Variants in AGAP1 observed in about 807,000 individuals in gnomAD.
AGAP1 encodes the protein ArfGAP with GTPase domain, ankyrin repeat and PH domain 1.
In AGAP1, 29 loss-of-function variants were observed where a neutral mutation model predicts 105.3. The observed-to-expected ratio is 0.28, with a 90% confidence interval of 0.21 to 0.38. The LOEUF is 0.38. Ranked by LOEUF, AGAP1 falls within the 10% of genes least tolerant of loss-of-function variation. The pLI is 1.00. For missense variants in AGAP1, 998 were observed against 1,165.1 expected, an observed-to-expected ratio of 0.86 and a Z score of 2.09; for synonymous variants, 509 against 485.9, an observed-to-expected ratio of 1.05 and a Z score of -0.63.
chr2:235,863,666 A>C (rs2106523804), intron 9 of AGAP1, among the ~76,000 whole-genome samples: 1 of 152,296 alleles, frequency 6.6e-6, no homozygotes, highest in Non-Finnish European at 1.5e-5. Flanking sequence ...CCCGGTGGGG[A>C]GAGCACATGG....
chr2:235,992,882 C>T lies in AGAP1; in HGVS notation c.1645+24259C>T, dbSNP rs1416270909. On this transcript the variant is annotated intron_variant, in intron 13 of 17. Transcript: ENST00000304032. This position sits in a 1 kb window ranked among gnomAD's most constrained non-coding sequence, Gnocchi z 4.8. ...AGTTGAGCTTGTGTTGGCCTCTTTC[C>T]GTCGTGAACCATGGACGTCTCTCCT... Among the ~76,000 whole-genome samples the T allele has an allele frequency of 1.3e-5, 2 of 152,124 alleles. No individual in the cohort carries two copies. Among genetic ancestry groups the T allele is most frequent in the African/African-American group, 2.4e-5 (1 of 41,428 alleles).
At chr2:235,860,718 C>G (rs2048892873) in intron 9 of AGAP1, among the ~76,000 whole-genome samples, 1 of 152,090 alleles carries the variant, frequency 6.6e-6, no homozygotes, top group Non-Finnish European at 1.5e-5. Context: ...GTAAATTAAT[C>G]AAATAATTGC....
chr2:235,979,513 A>G lies in AGAP1; in HGVS notation c.1645+10890A>G, dbSNP rs1453766123. ...GTGTGTTTATTTAGTAATCTTTGCT[A>G]ATACCCTCCTGGCTTTCCACTCCAC... On this transcript the variant is annotated intron_variant, in intron 13 of 17. Transcript: ENST00000304032. This position sits in a 1 kb window ranked among gnomAD's most constrained non-coding sequence, Gnocchi z 4.5. 6.6e-6 allele frequency among the ~76,000 whole-genome samples: 1 copy of G among 152,196 alleles called. No individual in the cohort carries two copies. The highest frequency in any genetic ancestry group is 1.5e-5 in the Non-Finnish European group (1 of 68,038).
rs555737698 is a variant in AGAP1, at chr2:235,750,528, T to C, written c.673+40T>C. The C allele has an allele frequency of 3.1e-6, 5 of 1,611,840 alleles. No individual in the cohort carries two copies. Among genetic ancestry groups the C allele is most frequent in the Non-Finnish European group, 4.2e-6 (5 of 1,178,178 alleles). ...CTGGGAGTTTAATTTCAGTTCATGA[T>C]AGACGGGAGGCACTTCAAGAAGTCA... On this transcript the variant is annotated intron_variant, in intron 6 of 17. Transcript: ENST00000304032. This position sits in a 1 kb window ranked among gnomAD's most constrained non-coding sequence, Gnocchi z 5.3.
At chr2:236,065,824 A>G (rs1249438682) in intron 16 of AGAP1, among the ~76,000 whole-genome samples, 1 of 152,242 alleles carries the variant, frequency 6.6e-6, no homozygotes, top group Non-Finnish European at 1.5e-5. Flanking sequence ...GCTTTCAGCA[A>G]AGCCTTCCAG....
rs1280500585 is a variant in AGAP1 at position 236,001,677 on chromosome 2, G to A, written c.1645+33054G>A. The stretch of plus-strand genomic sequence containing the variant: ...CGGTAGAACGTCACATCCTGGAGGG[G>A]CGGGGATTTCCCCTTTTGTTTTGTT... On this transcript the variant is annotated intron_variant, in intron 13 of 17. Transcript: ENST00000304032. The surrounding 1 kb of genome is among the most constrained non-coding windows in gnomAD (Gnocchi z 4.7). Among the ~76,000 whole-genome samples, 2 of 152,174 alleles carry A rather than the reference G, an allele frequency of 1.3e-5. No homozygotes were observed. Among genetic ancestry groups the A allele is most frequent in the Non-Finnish European group, 2.9e-5 (2 of 68,042 alleles).
chr2:235,704,052 C>T (rs1161432972), intron 1 of AGAP1, among the ~76,000 whole-genome samples: 2 of 152,168 alleles, frequency 1.3e-5, no homozygotes, highest in African/African-American at 2.4e-5. Flanking sequence ...ACCCATGGCT[C>T]CTGGCTCCCT....
At chr2:236,022,838 A>G (rs955403286) in intron 13 of AGAP1, among the ~76,000 whole-genome samples, 3 of 152,142 alleles carry the variant, frequency 2.0e-5, no homozygotes, top group Non-Finnish European at 2.9e-5. Context: ...GCACCCGGTC[A>G]GCAGGCTTTC....
At position 236,056,608 on chromosome 2, in the gene AGAP1, A is replaced by G. The variant is rs970032190; in HGVS notation, c.2114+7327A>G. The stretch of plus-strand genomic sequence containing the variant: ...TGGCCTCTATTTTGATTCCTCCAGC[A>G]GTCAAGCATTTTCCAAAGGGCCCTG... On this transcript the variant is annotated intron_variant, in intron 16 of 17. Transcript: ENST00000304032. This position sits in a 1 kb window ranked among gnomAD's most constrained non-coding sequence, Gnocchi z 4.6. Among the ~76,000 whole-genome samples the G allele has an allele frequency of 6.6e-6, 1 of 152,238 alleles. No homozygotes were observed. Among genetic ancestry groups the G allele is most frequent in the Non-Finnish European group, 1.5e-5 (1 of 68,046 alleles).
At chr2:236,028,080 TTAGGATGTGAAGC>T (rs1328717429) in intron 13 of AGAP1, among the ~76,000 whole-genome samples, 6 of 152,208 alleles carry the variant, frequency 3.9e-5, no homozygotes, top group Non-Finnish European at 8.8e-5. Context: ...CAGTTGGTCC[TTAGGATGTGAAGC>T]TTAGCTGTGC....
rs1302243183 is a variant in AGAP1, at chr2:235,569,279, C to T, written c.163+74430C>T. On this transcript the variant is annotated intron_variant, in intron 1 of 17. Coordinates refer to ENST00000304032, the MANE Select transcript of AGAP1 (RefSeq NM_001037131.3). The surrounding 1 kb of genome is among the most constrained non-coding windows in gnomAD (Gnocchi z 5.9). ...GTAGTGACCCAAGATCACGCCATTGCACTCCAGCCTGGGCGACAGAGCGAG... is the reference window on the plus strand; with the variant it reads ...GTAGTGACCCAAGATCACGCCATTGTACTCCAGCCTGGGCGACAGAGCGAG... Among the ~76,000 whole-genome samples the T allele has an allele frequency of 6.6e-6, 1 of 152,136 alleles. No individual in the cohort carries two copies. The highest frequency in any genetic ancestry group is 1.5e-5 in the Non-Finnish European group (1 of 68,028).
At chr2:235,873,050 G>T (rs545041365) in intron 9 of AGAP1, among the ~76,000 whole-genome samples, 2 of 152,296 alleles carry the variant, frequency 1.3e-5, no homozygotes, top group East Asian at 3.9e-4. Context: ...GATCATCCAG[G>T]CAGCTCTCAC....
At chr2:236,112,415 C>CAA (rs747720222) in intron 16 of AGAP1, among the ~76,000 whole-genome samples, 80 of 146,378 alleles carry the variant, frequency 5.5e-4, no homozygotes, top group African/African-American at 2.0e-3. Flanking sequence ...CATTCCATCT[C>CAA]GAAAAAAAAA....
In AGAP1 at chr2:235,639,332, G is replaced by A. The variant is rs1311102477; in HGVS notation, c.164-69847G>A. 6.6e-6 allele frequency among the ~76,000 whole-genome samples: 1 copy of A among 152,252 alleles called. No individual in the cohort carries two copies. The highest frequency in any genetic ancestry group is 1.9e-4 in the East Asian group (1 of 5,156). The stretch of plus-strand genomic sequence containing the variant: ...AAGGTTATGGGAAGATGGAAAGCAC[G>A]CCCTGGAGGTGGGTGGGTGAGCTCA... On this transcript the variant is annotated intron_variant, in intron 1 of 17. Transcript: ENST00000304032. The surrounding 1 kb of genome is among the most constrained non-coding windows in gnomAD (Gnocchi z 5.3).
At chr2:235,948,206 A>G (rs111762532) in intron 12 of AGAP1, among the ~76,000 whole-genome samples, 7,674 of 151,256 alleles carry the variant, frequency 0.051, 686 homozygotes, top group African/African-American at 0.18. Context: ...TCTTAGAGAC[A>G]GGGTCTCACT....
intron 9 of AGAP1, among the ~76,000 whole-genome samples, chr2:235,833,243 G>A (rs759808243): frequency 1.3e-5 from 2 of 152,228 alleles, no homozygotes; most frequent in Non-Finnish European, 2.9e-5. Flanking sequence ...CCAGGGCCAC[G>A]ACAGAGGCTG....
chr2:235,852,716 G>A (rs1395444701), intron 9 of AGAP1: 2 of 1,529,236 alleles, frequency 1.3e-6, no homozygotes, highest in Non-Finnish European at 1.8e-6. Context: ...TGCACTGACA[G>A]CCAGCACTTA....
chr2:235,853,434 ATC>A (rs2048560106), intron 9 of AGAP1, among the ~76,000 whole-genome samples: 1 of 152,188 alleles, frequency 6.6e-6, no homozygotes, highest in Non-Finnish European at 1.5e-5. Flanking sequence ...GTACAGATAA[ATC>A]TCTCAATACC....
intron 1 of AGAP1, among the ~76,000 whole-genome samples, chr2:235,666,984 C>T (rs1182429131): frequency 6.6e-6 from 1 of 152,148 alleles, no homozygotes; most frequent in Non-Finnish European, 1.5e-5. Flanking sequence ...GCAGAGATCT[C>T]TATCTTTCCA....
Sources: gnomAD v4.1 joint callset for allele counts (sites outside exome capture counted in the v4.1 genomes callset) on GRCh38, gnomAD v4.1.1 for gene constraint, Gnocchi (gnomAD v3.1) non-coding constraint, MANE v1.5 for transcripts, NCBI Gene and HGNC (gene_info 2026-07-23, HGNC 2026-07-21) for gene names.